The following BRINP1 variants were observed in gnomAD, a reference collection of about 807,000 sequenced individuals.
BRINP1 encodes the protein BMP/retinoic acid-inducible neural-specific protein 1.
BRINP1 carries 17 observed loss-of-function variants against 72.9 expected under a neutral mutation model. The ratio of observed to expected loss-of-function variants is 0.23; its 90% CI spans 0.16 to 0.35. The LOEUF (loss-of-function observed/expected upper bound fraction) is 0.35. Among genes scored for constraint, BRINP1 ranks in the 10% least tolerant of loss-of-function variants. The pLI, the probability that BRINP1 is intolerant of heterozygous loss-of-function variation, is 1.00. For synonymous variants in BRINP1, 418 were observed against 378.5 expected (o/e 1.10, Z -1.21); for missense variants, 850 against 1,001.6 (o/e 0.85, Z 2.04).
intron 1 of BRINP1, among the ~76,000 whole-genome samples, chr9:119,328,781 A>G (rs1006043618): frequency 6.6e-6 from 1 of 152,156 alleles, no homozygotes; most frequent in Non-Finnish European, 1.5e-5. Context: ...AATACTTCTC[A>G]GGGGAGCTGA....
intron 7 of BRINP1, among the ~76,000 whole-genome samples, chr9:119,170,826 T>G (rs1829398717): frequency 6.9e-6 from 1 of 144,734 alleles, no homozygotes; most frequent in South Asian, 2.2e-4. Flanking sequence ...GGGCCAATAT[T>G]CAACATTCTT....
chr9:119,173,050 C>G (rs1829435607), intron 7 of BRINP1, among the ~76,000 whole-genome samples: 1 of 146,374 alleles, frequency 6.8e-6, no homozygotes, highest in Admixed American at 6.8e-5. Flanking sequence ...AAACTGGAAG[C>G]ATTCCCTTTG....
rs562873610 is a variant in BRINP1, at chr9:119,354,194, G to A, written c.-51+14862C>T. Among the ~76,000 whole-genome samples, 28 of 152,092 alleles carry A rather than the reference G, an allele frequency of 1.8e-4. No homozygotes were observed. The South Asian group carries it at 5.6e-3, about 30-fold the overall frequency. On this transcript the variant is annotated intron_variant, in intron 1 of 7. Transcript: ENST00000265922. ...TCTGGTTTTTATGGAAAATACATTTGTCTAGTGTAGAGTTTCCTAAAGTAT... is the reference window on the plus strand; with the variant it reads ...TCTGGTTTTTATGGAAAATACATTTATCTAGTGTAGAGTTTCCTAAAGTAT...
At chr9:119,251,331 C>T (rs766831373) in intron 2 of BRINP1, among the ~76,000 whole-genome samples, 4 of 152,144 alleles carry the variant, frequency 2.6e-5, no homozygotes, top group Non-Finnish European at 5.9e-5. Flanking sequence ...TCAAGGACTA[C>T]AGGACACAGG....
intron 2 of BRINP1, among the ~76,000 whole-genome samples, chr9:119,309,522 T>C (rs184243907): frequency 1.2e-3 from 188 of 152,320 alleles, no homozygotes; most frequent in African/African-American, 4.4e-3. Flanking sequence ...AATATATGTA[T>C]AGTCTTAACA....
intron 7 of BRINP1, among the ~76,000 whole-genome samples, chr9:119,183,367 T>C (rs777933295): frequency 4.6e-5 from 7 of 151,894 alleles, no homozygotes; most frequent in Admixed American, 6.6e-5. Flanking sequence ...TTTAGAAAGA[T>C]GAAAAGGTGA....
At chr9:119,297,497 A>G (rs1830892874) in intron 2 of BRINP1, among the ~76,000 whole-genome samples, 1 of 152,184 alleles carries the variant, frequency 6.6e-6, no homozygotes, top group Non-Finnish European at 1.5e-5. Context: ...CCTCATCTGT[A>G]AAATGGGTTA....
At chr9:119,302,119 C>T (rs531597857) in intron 2 of BRINP1, among the ~76,000 whole-genome samples, 176 of 152,240 alleles carry the variant, frequency 1.2e-3, no homozygotes, top group African/African-American at 4.1e-3. Flanking sequence ...TCAAGGCAAA[C>T]GAAGGATGCT....
chr9:119,263,462 G>A (rs184532015), intron 2 of BRINP1, among the ~76,000 whole-genome samples: 3 of 151,876 alleles, frequency 2.0e-5, no homozygotes, highest in African/African-American at 7.3e-5. Flanking sequence ...TCAGCCTCAG[G>A]CTCCCCCAGG....
At chr9:119,268,478 G>A (rs1345856630) in intron 2 of BRINP1, among the ~76,000 whole-genome samples, 2 of 152,026 alleles carry the variant, frequency 1.3e-5, no homozygotes, top group Admixed American at 6.5e-5. Flanking sequence ...TAGCTTGCAG[G>A]GAACACACAG....
At chr9:119,338,853 C>A (rs560218706) in intron 1 of BRINP1, among the ~76,000 whole-genome samples, 1 of 151,096 alleles carries the variant, frequency 6.6e-6, no homozygotes, top group East Asian at 1.9e-4. Flanking sequence ...CCACCGCACT[C>A]CAGCCCTGGC....
chr9:119,278,432 C>T (rs1564236634), intron 2 of BRINP1, among the ~76,000 whole-genome samples: 2 of 152,304 alleles, frequency 1.3e-5, no homozygotes, highest in South Asian at 4.1e-4. Flanking sequence ...TCATATAGAG[C>T]CTATTAGAGA....
At chr9:119,249,913 G>A (rs35844266) in intron 2 of BRINP1, among the ~76,000 whole-genome samples, 37,524 of 83,196 alleles carry the variant, frequency 0.45, 11,206 homozygotes, top group East Asian at 0.85. Context: ...GGGAGGGACC[G>A]GATGAAGGGA....
chr9:119,271,661 G>A (rs72761727), intron 2 of BRINP1, among the ~76,000 whole-genome samples: 156 of 152,028 alleles, frequency 1.0e-3, no homozygotes, highest in Non-Finnish European at 1.9e-3. Flanking sequence ...AAAAGAGAGA[G>A]AAAAAATAAG....
chr9:119,349,322 A>T (rs1831480483), intron 1 of BRINP1, among the ~76,000 whole-genome samples: 1 of 152,196 alleles, frequency 6.6e-6, no homozygotes, highest in African/African-American at 2.4e-5. Context: ...GTGTGAAGAA[A>T]CAATTATCAA....
intron 7 of BRINP1, among the ~76,000 whole-genome samples, chr9:119,195,328 T>G (rs230090): frequency 0.074 from 11,249 of 152,242 alleles, 1,341 homozygotes; most frequent in African/African-American, 0.26. Context: ...AATGTAAATA[T>G]TATTTGACAA....
chr9:119,214,860 G>T (rs1031165253), intron 5 of BRINP1, among the ~76,000 whole-genome samples: 1 of 152,170 alleles, frequency 6.6e-6, no homozygotes, highest in Non-Finnish European at 1.5e-5. Flanking sequence ...AAGAGGAAAG[G>T]CATCATGTGT....
At chr9:119,253,824 C>T (rs1277450235) in intron 2 of BRINP1, among the ~76,000 whole-genome samples, 2 of 152,074 alleles carry the variant, frequency 1.3e-5, no homozygotes, top group Non-Finnish European at 2.9e-5. Context: ...GAGAGGTTGT[C>T]AAGGACCACA....
intron 2 of BRINP1, among the ~76,000 whole-genome samples, chr9:119,301,493 T>C (rs1283848101): frequency 6.6e-6 from 1 of 152,182 alleles, no homozygotes; most frequent in Non-Finnish European, 1.5e-5. Flanking sequence ...AAATTAGTGG[T>C]TGTCAAAGGT....
Sources: gnomAD v4.1 joint callset for allele counts (sites outside exome capture counted in the v4.1 genomes callset) on GRCh38, gnomAD v4.1.1 for gene constraint, MANE v1.5 for transcripts, NCBI Gene and HGNC (gene_info 2026-07-23, HGNC 2026-07-21) for gene names.